NFAT5: variants seen among roughly 807,000 people sequenced by gnomAD.
The protein encoded by NFAT5 is nuclear factor of activated T-cells 5.
NFAT5 carries 31 observed loss-of-function variants against 166.5 expected under a neutral mutation model. That is an observed-to-expected ratio of 0.19 (90% CI 0.14 to 0.25). NFAT5 has a LOEUF of 0.25. Among genes scored for constraint, NFAT5 ranks in the 10% least tolerant of loss-of-function variants. NFAT5 has a pLI of 1.00. For missense variants in NFAT5, 1,449 were observed against 1,821.8 expected, an observed-to-expected ratio of 0.80 and a Z score of 3.72; for synonymous variants, 612 against 639.7, an observed-to-expected ratio of 0.96 and a Z score of 0.65.
intron 10 of NFAT5, among the ~76,000 whole-genome samples, chr16:69,683,168 G>A (rs966379416): frequency 7.2e-5 from 11 of 152,078 alleles, no homozygotes; most frequent in Non-Finnish European, 4.4e-5. Flanking sequence ...CTGAGATCGC[G>A]CCACTGCACT....
chr16:69,569,353 G>A (rs991090592), intron 2 of NFAT5, among the ~76,000 whole-genome samples: 46 of 150,250 alleles, frequency 3.1e-4, no homozygotes, highest in African/African-American at 1.1e-3. Context: ...CACAGTAGAA[G>A]AAATAATACT....
intron 3 of NFAT5, chr16:69,646,697 T>G: frequency 3.9e-6 from 1 of 256,380 alleles, no homozygotes. Flanking sequence ...ATTGGGGTTT[T>G]CTTTATTACT....
At chr16:69,689,796 C>G (rs1182252926) in intron 11 of NFAT5, among the ~76,000 whole-genome samples, 1 of 152,182 alleles carries the variant, frequency 6.6e-6, no homozygotes, top group African/African-American at 2.4e-5. Flanking sequence ...CCACCTGCCT[C>G]GGCCTCCCAA....
intron 3 of NFAT5, among the ~76,000 whole-genome samples, chr16:69,642,433 A>T (rs2035253318): frequency 6.6e-6 from 1 of 152,242 alleles, no homozygotes; most frequent in Admixed American, 6.5e-5. Context: ...ATCTGACATT[A>T]TAAATTTCTA....
At chr16:69,690,328 AAAG>A (rs1272606072) in intron 11 of NFAT5, among the ~76,000 whole-genome samples, 2 of 152,208 alleles carry the variant, frequency 1.3e-5, no homozygotes, top group Non-Finnish European at 2.9e-5. Context: ...GGAAAAAAAA[AAAG>A]ATGTTTAAAG....
chr16:69,631,691 T>A (rs946001317), intron 3 of NFAT5, among the ~76,000 whole-genome samples: 4 of 151,892 alleles, frequency 2.6e-5, no homozygotes, highest in African/African-American at 9.7e-5. Flanking sequence ...AGTGGCGTGA[T>A]CTTGGCTCAC....
Position 69,702,277 on chromosome 16 carries a change from T to C in NFAT5, c.*5926T>C, listed in dbSNP as rs780963896. The C allele has an allele frequency of 6.5e-6, 1 of 152,678 alleles. No individual in the cohort carries two copies. The highest frequency in any genetic ancestry group is 1.5e-5 in the Non-Finnish European group (1 of 68,044). The allele number at this position is 152,678 out of a possible 1,614,324, so 9.5% of individuals were successfully genotyped here. A position where few individuals can be genotyped will look rare whatever the true frequency, so the allele number is the denominator to read the frequency against. On this transcript the variant is annotated 3_prime_UTR_variant, in exon 15 of 15. Coordinates refer to ENST00000349945, the MANE Select transcript of NFAT5 (RefSeq NM_138713.4). The stretch of plus-strand genomic sequence containing the variant: ...TCCCTTTTCTTTTGGATAGCCAACT[T>C]GGTATAAATGTTATATGGATTTTTC...
chr16:69,686,240 C>G (rs1235851761), intron 11 of NFAT5, among the ~76,000 whole-genome samples: 1 of 151,988 alleles, frequency 6.6e-6, no homozygotes, highest in Non-Finnish European at 1.5e-5. Context: ...GTAATCCCAG[C>G]TACTCTGGAG....
At chr16:69,683,872 G>A (rs2037173938) in intron 10 of NFAT5, among the ~76,000 whole-genome samples, 1 of 152,156 alleles carries the variant, frequency 6.6e-6, no homozygotes, top group South Asian at 2.1e-4. Flanking sequence ...GCCAAGGTGG[G>A]CAGATTACCT....
At chr16:69,606,886 T>C (rs1290006218) in intron 2 of NFAT5, among the ~76,000 whole-genome samples, 2 of 152,112 alleles carry the variant, frequency 1.3e-5, no homozygotes, top group African/African-American at 4.8e-5. Flanking sequence ...AAGCTGTGTA[T>C]TGTGAAGTGA....
rs937248859 is a variant in NFAT5, at chr16:69,699,288, A to G, written c.*2937A>G. ...TATTGTTATCAAATGCTAATTGGCA[A>G]TGCCAAGTCACTGGGACCAATTTTC... On this transcript the variant is annotated 3_prime_UTR_variant, in exon 15 of 15. Transcript: ENST00000349945. 2 of 153,100 alleles carry G rather than the reference A, an allele frequency of 1.3e-5. No homozygotes were observed. Among genetic ancestry groups the G allele is most frequent in the Admixed American group, 6.5e-5 (1 of 15,286 alleles). The allele number at this position is 153,100 out of a possible 1,614,324, so 9.5% of individuals were successfully genotyped here.
At position 69,659,830 on chromosome 16, in the gene NFAT5, C is replaced by A; in HGVS notation, c.1300C>A (p.Arg434=). The A allele has an allele frequency of 6.2e-7, 1 of 1,613,914 alleles. No homozygotes were observed. Among genetic ancestry groups the A allele is most frequent in the Non-Finnish European group, 8.5e-7 (1 of 1,179,930 alleles). Reference sequence around the variant, plus strand: ...AAGCACTCGTGCCAGATTGGTTTTTCGAGTTAATATCATGAGGAAAGATGG... The same window carrying A: ...AAGCACTCGTGCCAGATTGGTTTTTAGAGTTAATATCATGAGGAAAGATGG... ...KKSTRARLVF[R]VNIMRKDGST... is the part of the protein sequence containing the mutation. Residue 434 remains arginine, a synonymous_variant, in exon 7 of 15, where the codon CGA becomes AGA. Coordinates refer to ENST00000349945, the MANE Select transcript of NFAT5 (RefSeq NM_138713.4).
intron 3 of NFAT5, among the ~76,000 whole-genome samples, chr16:69,633,528 T>C (rs773649096): frequency 7.2e-5 from 11 of 152,208 alleles, no homozygotes; most frequent in Non-Finnish European, 1.3e-4. Context: ...TTGTCATTTA[T>C]GGCAATGTGG....
intron 10 of NFAT5, among the ~76,000 whole-genome samples, chr16:69,678,208 A>T (rs1567600260): frequency 6.8e-6 from 1 of 147,174 alleles, no homozygotes; most frequent in Non-Finnish European, 1.5e-5. Context: ...GAGGAACTAA[A>T]TTTTTTTTTT....
intron 9 of NFAT5, among the ~76,000 whole-genome samples, chr16:69,675,690 A>G (rs2036804177): frequency 6.6e-6 from 1 of 151,980 alleles, no homozygotes; most frequent in South Asian, 2.1e-4. Context: ...CCCAGGCTGG[A>G]GTGCAATGAC....
At chr16:69,648,687 T>A in intron 4 of NFAT5, 8 of 966,326 alleles carry the variant, frequency 8.3e-6, no homozygotes, top group Non-Finnish European at 9.8e-6. Context: ...TTAAATTAGA[T>A]TTTTGTATAG....
At position 69,566,315 on chromosome 16, in the gene NFAT5, T is replaced by TC; in HGVS notation, c.15dup (p.Ile6HisfsTer32). 1 of 1,606,846 alleles carries TC rather than the reference T, an allele frequency of 6.2e-7. No individual in the cohort carries two copies. Among genetic ancestry groups the TC allele is most frequent in the South Asian group, 1.1e-5 (1 of 89,136 alleles). On this transcript the variant is annotated frameshift_variant, in exon 1 of 15. Coordinates refer to ENST00000349945, the MANE Select transcript of NFAT5 (RefSeq NM_138713.4). LOFTEE classifies it high-confidence loss of function. This position sits in a 1 kb window ranked among gnomAD's most constrained non-coding sequence, Gnocchi z 5.7. ...GGTCGAGCTGCGATGCCCTCGGACT[T>TC]CATCTCATTGCTCAGCGCGGACCTA...
At chr16:69,645,182 T>G (rs145997625) in intron 3 of NFAT5, among the ~76,000 whole-genome samples, 8 of 152,348 alleles carry the variant, frequency 5.3e-5, no homozygotes, top group African/African-American at 1.4e-4. Flanking sequence ...CAGTAGCATA[T>G]AGATTTCGTA....
chr16:69,656,770 G>T (rs1266935473), intron 6 of NFAT5, among the ~76,000 whole-genome samples: 2 of 152,124 alleles, frequency 1.3e-5, no homozygotes, highest in African/African-American at 4.8e-5. Flanking sequence ...GTTCAGCAGA[G>T]ACTATGAAGT....
Sources: gnomAD v4.1 joint callset for allele counts (sites outside exome capture counted in the v4.1 genomes callset) on GRCh38, gnomAD v4.1.1 for gene constraint, Gnocchi (gnomAD v3.1) non-coding constraint, MANE v1.5 for transcripts, NCBI Gene and HGNC (gene_info 2026-07-23, HGNC 2026-07-21) for gene names.